Variants in PTPRK observed in about 807,000 individuals in gnomAD.
PTPRK encodes protein tyrosine phosphatase receptor type K, also known as receptor-type tyrosine-protein phosphatase kappa.
In PTPRK, 75 loss-of-function variants were observed where a neutral mutation model predicts 178.0. The ratio of observed to expected loss-of-function variants is 0.42; its 90% CI spans 0.35 to 0.51. The LOEUF (loss-of-function observed/expected upper bound fraction) is 0.51. Ranked by LOEUF, PTPRK falls within the 20% of genes least tolerant of loss-of-function variation. The pLI is 0.02. For missense variants in PTPRK, 1,441 were observed against 1,797.8 expected (o/e 0.80, Z 3.59); for synonymous variants, 637 against 620.6 (o/e 1.03, Z -0.39).
intron 13 of PTPRK, among the ~76,000 whole-genome samples, chr6:128,043,602 T>G (rs2114844939): frequency 6.6e-6 from 1 of 151,868 alleles, no homozygotes; most frequent in South Asian, 2.1e-4. Context: ...GAAAGATGGT[T>G]GCATAGGGTT....
intron 2 of PTPRK, among the ~76,000 whole-genome samples, chr6:128,325,387 A>G (rs1301403881): frequency 6.6e-6 from 1 of 152,204 alleles, no homozygotes; most frequent in East Asian, 1.9e-4. Context: ...GTGAACAGGC[A>G]AACTACAGAA....
intron 1 of PTPRK, among the ~76,000 whole-genome samples, chr6:128,467,594 C>T (rs1032876087): frequency 2.6e-5 from 4 of 152,234 alleles, no homozygotes; most frequent in African/African-American, 9.6e-5. Context: ...CAGCAAAATT[C>T]AATACCGGTG....
At chr6:127,992,747 A>G in intron 18 of PTPRK, 38 bp from the exon 19 acceptor site, 1 of 1,475,200 alleles carries the variant, frequency 6.8e-7, no homozygotes, top group Non-Finnish European at 9.3e-7. Flanking sequence ...ATTTTACATC[A>G]ATATCAGAAA....
At chr6:128,186,436 A>G (rs1015051640) in intron 6 of PTPRK, among the ~76,000 whole-genome samples, 1 of 152,120 alleles carries the variant, frequency 6.6e-6, no homozygotes, top group African/African-American at 2.4e-5. Flanking sequence ...AGATGATAAC[A>G]TATGCTATAT....
At chr6:128,337,539 T>C (rs940775421) in intron 2 of PTPRK, among the ~76,000 whole-genome samples, 6 of 152,114 alleles carry the variant, frequency 3.9e-5, no homozygotes, top group African/African-American at 1.4e-4. Context: ...ATGCCACCTA[T>C]CAAAGTGAAC....
chr6:128,402,807 A>G (rs1347270448), intron 1 of PTPRK, among the ~76,000 whole-genome samples: 1 of 152,236 alleles, frequency 6.6e-6, no homozygotes, highest in Non-Finnish European at 1.5e-5. Flanking sequence ...TTTTAAGGGC[A>G]TATTTATGAG....
At chr6:128,408,674 G>A (rs1191272078) in intron 1 of PTPRK, among the ~76,000 whole-genome samples, 1 of 152,100 alleles carries the variant, frequency 6.6e-6, no homozygotes, top group African/African-American at 2.4e-5. Flanking sequence ...GTTGGCATAT[G>A]TTTAGTCCTG....
rs140885164 is a variant in PTPRK, at chr6:128,341,013, A to G, written c.224-18703T>C. On this transcript the variant is annotated intron_variant, in intron 2 of 29. Transcript: ENST00000368226. ...TATTGTTAGTAAACTTTTCCAAGTT[A>G]ATATGTACAAAATCAGGAACTGCAC... Among the ~76,000 whole-genome samples, 512 of 152,306 alleles carry G rather than the reference A, an allele frequency of 3.4e-3. 1 individual carries two copies. Among genetic ancestry groups the G allele is most frequent in the Non-Finnish European group, 4.9e-3 (336 of 67,984 alleles).
intron 1 of PTPRK, among the ~76,000 whole-genome samples, chr6:128,425,423 G>A (rs7771171): frequency 3.8e-4 from 57 of 151,932 alleles, no homozygotes; most frequent in African/African-American, 1.3e-3. Context: ...CCTTTTCCCC[G>A]AGTCCCCAAA....
At chr6:128,092,796 C>T (rs1293731335) in intron 7 of PTPRK, among the ~76,000 whole-genome samples, 1 of 152,132 alleles carries the variant, frequency 6.6e-6, no homozygotes, top group Admixed American at 6.5e-5. Context: ...TGACCTTAAT[C>T]CATTATTTCT....
intron 8 of PTPRK, among the ~76,000 whole-genome samples, chr6:128,084,607 A>G (rs1038042302): frequency 3.3e-5 from 5 of 152,214 alleles, no homozygotes; most frequent in African/African-American, 1.2e-4. Flanking sequence ...CCTTATTTGC[A>G]AATGTCATAT....
chr6:128,208,892 A>G (rs1454548676), intron 6 of PTPRK, among the ~76,000 whole-genome samples: 1 of 152,162 alleles, frequency 6.6e-6, no homozygotes, highest in Non-Finnish European at 1.5e-5. Context: ...TAAACTTAAC[A>G]TCTATGCTCT....
At chr6:128,064,571 G>A (rs1781423634) in intron 13 of PTPRK, among the ~76,000 whole-genome samples, 187 bp downstream of exon 13, 1 of 152,126 alleles carries the variant, frequency 6.6e-6, no homozygotes, top group African/African-American at 2.4e-5. Flanking sequence ...ATCATAACAA[G>A]ATTCCTTCAG....
chr6:128,372,787 A>G (rs1379363180), intron 2 of PTPRK, among the ~76,000 whole-genome samples: 1 of 152,160 alleles, frequency 6.6e-6, no homozygotes, highest in East Asian at 1.9e-4. Flanking sequence ...GCTCTCAGAA[A>G]AGTGTCTAAC....
At chr6:128,000,952 TAGAC>T (rs1258155919) in intron 15 of PTPRK, among the ~76,000 whole-genome samples, 1 of 151,992 alleles carries the variant, frequency 6.6e-6, no homozygotes, top group African/African-American at 2.4e-5. Flanking sequence ...CAATATAAAA[TAGAC>T]AGTGCCTTTT....
chr6:128,138,909 G>T (rs1299908853), intron 7 of PTPRK, among the ~76,000 whole-genome samples: 1 of 151,954 alleles, frequency 6.6e-6, no homozygotes, highest in Non-Finnish European at 1.5e-5. Flanking sequence ...AAGTCACATG[G>T]GACATACAAA....
chr6:128,392,678 G>T, intron 2 of PTPRK, among the ~76,000 whole-genome samples: 1 of 152,114 alleles, frequency 6.6e-6, no homozygotes, highest in South Asian at 2.1e-4. Flanking sequence ...TTCTCTATGG[G>T]TTCTGAAAAT....
intron 3 of PTPRK, among the ~76,000 whole-genome samples, chr6:128,254,098 T>C (rs1487541462): frequency 3.3e-5 from 5 of 152,182 alleles, no homozygotes; most frequent in African/African-American, 2.4e-5. Context: ...TTGTGAACTT[T>C]CCCTACTGAA....
intron 6 of PTPRK, among the ~76,000 whole-genome samples, chr6:128,209,161 CG>C (rs2031223951): frequency 6.6e-6 from 1 of 151,962 alleles, no homozygotes; most frequent in Admixed American, 6.6e-5. Context: ...CCTAAAAACG[CG>C]CCATTTTCCA....
Sources: allele counts gnomAD v4.1 joint callset (sites outside exome capture counted in the v4.1 genomes callset), GRCh38; gene constraint gnomAD v4.1.1; transcripts MANE v1.5; gene names NCBI Gene and HGNC (gene_info 2026-07-23, HGNC 2026-07-21).